Variants in ZNF410 observed in about 807,000 individuals in gnomAD.
The protein encoded by ZNF410 is another partner for ARF 1.
ZNF410 carries 18 observed loss-of-function variants against 54.8 expected under a neutral mutation model. The ratio of observed to expected loss-of-function variants is 0.33; its 90% CI spans 0.23 to 0.49. The LOEUF (loss-of-function observed/expected upper bound fraction) is 0.49. ZNF410 is among the 20% of genes least tolerant of loss of function. The probability of loss-of-function intolerance (pLI) is 0.99; values close to 1 mark genes in which losing one functional copy is unlikely to be tolerated. For missense variants in ZNF410, 405 were observed against 569.6 expected (o/e 0.71, Z 2.94); for synonymous variants, 191 against 207.3 (o/e 0.92, Z 0.68).
In ZNF410 at chr14:73,905,968, C is replaced by T. The variant is rs12880892; in HGVS notation, c.913+885C>T. 6.5e-3 allele frequency among the ~76,000 whole-genome samples: 513 copies of T among 78,828 alleles called. 3 individuals are homozygous for T. Among genetic ancestry groups the T allele is most frequent in the East Asian group, 0.018 (62 of 3,360 alleles). 51.7% of individuals were successfully genotyped at this position (78,828 alleles called of 152,430 possible). ...ATACACACACACACACACACACACA[C>T]ATATATATATATATATATATATATA... On this transcript the variant is annotated intron_variant, in intron 7 of 11. Coordinates refer to ENST00000555044, the MANE Select transcript of ZNF410 (RefSeq NM_021188.3).
intron 4 of ZNF410, among the ~76,000 whole-genome samples, chr14:73,897,063 G>A (rs933554437): frequency 6.6e-6 from 1 of 152,198 alleles, no homozygotes; most frequent in Non-Finnish European, 1.5e-5. Context: ...AGAACTGGGA[G>A]AGAGTGGTAG....
intron 5 of ZNF410, among the ~76,000 whole-genome samples, chr14:73,903,182 G>A (rs2140304186): frequency 6.6e-6 from 1 of 152,274 alleles, no homozygotes; most frequent in African/African-American, 2.4e-5. Flanking sequence ...AGACTGGAGT[G>A]CAGTGGTGCA....
intron 8 of ZNF410, chr14:73,909,690 C>T (rs2055548367): frequency 2.8e-6 from 1 of 361,806 alleles, no homozygotes; most frequent in Non-Finnish European, 5.0e-6. Flanking sequence ...TTGTTTGGCA[C>T]TCTGCTGGGT....
At chr14:73,924,357 T>C (rs773608211) in intron 11 of ZNF410, among the ~76,000 whole-genome samples, 1 of 152,206 alleles carries the variant, frequency 6.6e-6, no homozygotes, top group Non-Finnish European at 1.5e-5. Context: ...CCTCCTGCTG[T>C]GTGGCCTGGT....
intron 11 of ZNF410, among the ~76,000 whole-genome samples, chr14:73,927,672 A>G (rs765152208): frequency 1.3e-5 from 2 of 152,130 alleles, no homozygotes; most frequent in Non-Finnish European, 2.9e-5. Flanking sequence ...TGTGTGGGGC[A>G]TTCTGCAGGG....
At chr14:73,898,646 G>A in intron 5 of ZNF410, 1 of 285,892 alleles carries the variant, frequency 3.5e-6, no homozygotes, top group Non-Finnish European at 6.4e-6. Flanking sequence ...TCAGTTAATA[G>A]GAATAAAACT....
Position 73,927,089 on chromosome 14 carries a change from ATT to A in ZNF410, c.1398+3580_1398+3581del, listed in dbSNP as rs113156661. ...TCTTGTTCCCTCTGTGTTTATTATG[ATT>A]TTTTTTTTTTTTGAGGTGGAGTCTT... On this transcript the variant is annotated intron_variant, in intron 11 of 11. Coordinates refer to ENST00000555044, the MANE Select transcript of ZNF410 (RefSeq NM_021188.3). The A allele has an allele frequency of 4.3e-4, 65 of 151,726 alleles. No homozygotes were observed. In the South Asian group the frequency reaches 4.4e-3, roughly 10 times the overall value. 9.4% of individuals were successfully genotyped at this position (151,726 alleles called of 1,614,324 possible).
intron 5 of ZNF410, 33 bp downstream of exon 5, chr14:73,898,295 T>C: frequency 6.2e-7 from 1 of 1,611,360 alleles, no homozygotes; most frequent in Non-Finnish European, 8.5e-7. Flanking sequence ...TTGCCACTAT[T>C]CTGTGCAAAG....
chr14:73,900,982 C>T (rs2055397710), intron 5 of ZNF410, among the ~76,000 whole-genome samples: 1 of 152,146 alleles, frequency 6.6e-6, no homozygotes, highest in South Asian at 2.1e-4. Flanking sequence ...TGATTTTATT[C>T]AATATTTTAA....
At chr14:73,923,334 A>G (rs2055781466) in intron 10 of ZNF410, 61 bp from the exon 11 acceptor site, 1 of 1,558,554 alleles carries the variant, frequency 6.4e-7, no homozygotes, top group South Asian at 1.2e-5. Flanking sequence ...AGGCTTAATG[A>G]TCCAGATAGG....
At chr14:73,917,678 C>T (rs1381905658) in intron 8 of ZNF410, among the ~76,000 whole-genome samples, 2 of 152,034 alleles carry the variant, frequency 1.3e-5, no homozygotes, top group African/African-American at 4.8e-5. Context: ...CAAAAATTAG[C>T]TGGGTGTGGT....
At chr14:73,908,320 T>G (rs1265542318) in intron 7 of ZNF410, among the ~76,000 whole-genome samples, 1 of 152,222 alleles carries the variant, frequency 6.6e-6, no homozygotes, top group Non-Finnish European at 1.5e-5. Flanking sequence ...ATCCTTTTTG[T>G]TTTTTCAGTT....
chr14:73,891,603 T>G (rs2055231293), intron 1 of ZNF410, among the ~76,000 whole-genome samples: 1 of 152,148 alleles, frequency 6.6e-6, no homozygotes, highest in Admixed American at 6.5e-5. Context: ...ATCCACCTGC[T>G]TCAGCCTATC....
At chr14:73,925,529 G>T (rs1046716368) in intron 11 of ZNF410, among the ~76,000 whole-genome samples, 3 of 151,892 alleles carry the variant, frequency 2.0e-5, no homozygotes, top group Admixed American at 1.3e-4. Context: ...TCAGGTTCAA[G>T]CAATTTTCCT....
chr14:73,898,585 A>C, intron 5 of ZNF410: 2 of 442,742 alleles, frequency 4.5e-6, no homozygotes, highest in Non-Finnish European at 4.0e-6. Flanking sequence ...TTCTGTGTAA[A>C]CTTCATATAC....
At chr14:73,926,306 C>G (rs1209034977) in intron 11 of ZNF410, among the ~76,000 whole-genome samples, 2 of 151,986 alleles carry the variant, frequency 1.3e-5, no homozygotes, top group African/African-American at 4.8e-5. Context: ...GGTTGGTTTG[C>G]TAGAGTCAGG....
chr14:73,891,895 A>G (rs62003711), intron 1 of ZNF410, 132 bp from the exon 2 acceptor site: 216,460 of 597,470 alleles, frequency 0.36, 43,321 homozygotes, highest in Non-Finnish European at 0.42. Flanking sequence ...TTTTAAAAGA[A>G]GTGTTTCGGT....
At chr14:73,908,609 A>G (rs1011603838) in intron 7 of ZNF410, among the ~76,000 whole-genome samples, 1 of 152,176 alleles carries the variant, frequency 6.6e-6, no homozygotes, top group African/African-American at 2.4e-5. Flanking sequence ...TGCCAGCCTT[A>G]CTAGCCATTT....
At position 73,892,335 on chromosome 14, in the gene ZNF410, TATA is replaced by T. The variant is rs1435097653; in HGVS notation, c.33+128_33+130del. The T allele has an allele frequency of 8.3e-6, 7 of 839,158 alleles. No individual in the cohort carries two copies. In the Admixed American group the frequency reaches 1.8e-4, roughly 22 times the overall value. The allele number at this position is 839,158 out of a possible 1,614,324, so 52.0% of individuals were successfully genotyped here. On this transcript the variant is annotated intron_variant, in intron 2 of 11. Transcript: ENST00000555044. ...AATAAATATTTTAGGTTTTTTAAGCTATATGGTTTTGATTGTTACTATTTTTTC... is the reference window on the plus strand; with the variant it reads ...AATAAATATTTTAGGTTTTTTAAGCTTGGTTTTGATTGTTACTATTTTTTC...
Sources: gnomAD v4.1 joint callset for allele counts (sites outside exome capture counted in the v4.1 genomes callset) on GRCh38, gnomAD v4.1.1 for gene constraint, MANE v1.5 for transcripts, NCBI Gene and HGNC (gene_info 2026-07-23, HGNC 2026-07-21) for gene names.